Variants in ZNF33B observed in about 807,000 individuals in gnomAD.
ZNF33B encodes zinc finger protein 11b (KOX 2).
A neutral mutation model predicts 45.8 loss-of-function variants in ZNF33B; 29 were observed. The observed-to-expected ratio is 0.63, with a 90% CI of 0.47 to 0.86. The LOEUF is 0.86. Ranked by LOEUF, ZNF33B falls within the 40% of genes least tolerant of loss-of-function variation. The pLI is 0.00. For synonymous variants in ZNF33B, 305 were observed against 307.8 expected, an observed-to-expected ratio of 0.99 and a Z score of 0.10; for missense variants, 831 against 909.9, an observed-to-expected ratio of 0.91 and a Z score of 1.12.
At chr10:42,607,850 C>T (rs1051838138) in intron 4 of ZNF33B, among the ~76,000 whole-genome samples, 2 of 152,070 alleles carry the variant, frequency 1.3e-5, no homozygotes, top group Non-Finnish European at 2.9e-5. Flanking sequence ...CATTGTAAGT[C>T]AGGAACCATC....
At chr10:42,627,950 GTCTA>G (rs1838884588) in intron 4 of ZNF33B, among the ~76,000 whole-genome samples, 1 of 152,070 alleles carries the variant, frequency 6.6e-6, no homozygotes, top group African/African-American at 2.4e-5. Flanking sequence ...CCAGGATATG[GTCTA>G]TCTTTCTGAA....
chr10:42,614,849 G>C (rs1838246896), intron 4 of ZNF33B, among the ~76,000 whole-genome samples: 1 of 152,012 alleles, frequency 6.6e-6, no homozygotes, highest in African/African-American at 2.4e-5. Flanking sequence ...AGCTACTCAG[G>C]AGGCTGAGGC....
Position 42,593,960 on chromosome 10 carries a change from T to C in ZNF33B, c.990A>G (p.Glu330=). Reference sequence around the variant, plus strand: ...AGAAAGCTTTCCCACATTCATTACATTCAAAGTGTTTCTCTCCTTTATCAC... The same window carrying C: ...AGAAAGCTTTCCCACATTCATTACACTCAAAGTGTTTCTCTCCTTTATCAC... ...QKGDKGEKHF[E]CNECGKAFWE... is the part of the protein sequence containing the mutation. The change falls in exon 5 of 5, where the codon GAA becomes GAG. Residue 330 remains glutamate, a synonymous_variant. Transcript: ENST00000359467. The C allele has an allele frequency of 1.9e-6, 3 of 1,614,104 alleles. No homozygotes were observed. Among genetic ancestry groups the C allele is most frequent in the Non-Finnish European group, 1.7e-6 (2 of 1,179,976 alleles).
At chr10:42,630,291 A>C (rs1838992333) in intron 4 of ZNF33B, among the ~76,000 whole-genome samples, 1 of 152,170 alleles carries the variant, frequency 6.6e-6, no homozygotes, top group Admixed American at 6.5e-5. Context: ...TACTTGAGAA[A>C]ATATACTACT....
rs80051734 is a variant in ZNF33B at position 42,637,530 on chromosome 10, G to A, written c.-44-558C>T. On this transcript the variant is annotated intron_variant, in intron 1 of 4. Transcript: ENST00000359467. The stretch of plus-strand genomic sequence containing the variant: ...AAAGTAGTACTGGCTTAGGGGTCAG[G>A]AGAAGTGACTTTTAGTTCTCCCTAC... Among the ~76,000 whole-genome samples, 275 of 152,298 alleles carry A rather than the reference G, an allele frequency of 1.8e-3. 1 individual carries two copies. The East Asian group carries it at 0.038, about 21-fold the overall frequency.
intron 1 of ZNF33B, chr10:42,579,679 A>G (rs529503410): frequency 6.5e-6 from 1 of 153,156 alleles, no homozygotes; most frequent in East Asian, 1.9e-4. Flanking sequence ...AATCCTTCCC[A>G]TGGCTTTGAC....
intron 1 of ZNF33B, among the ~76,000 whole-genome samples, chr10:42,637,842 G>A (rs1214960060): frequency 6.6e-6 from 1 of 152,098 alleles, no homozygotes; most frequent in African/African-American, 2.4e-5. Flanking sequence ...TAGTAGAGAC[G>A]GGGATTTGCC....
chr10:42,617,702 C>G (rs545793007), intron 4 of ZNF33B, among the ~76,000 whole-genome samples: 1 of 152,248 alleles, frequency 6.6e-6, no homozygotes, highest in Non-Finnish European at 1.5e-5. Flanking sequence ...ACAGCCATCT[C>G]CCACCCTCTC....
rs1564491890 is a variant in ZNF33B, at chr10:42,590,180, T to C, written c.*2433A>G. The C allele has an allele frequency of 6.7e-6, 1 of 148,280 alleles. No homozygotes were observed. Among genetic ancestry groups the C allele is most frequent in the South Asian group, 2.1e-4 (1 of 4,812 alleles). 9.2% of individuals were successfully genotyped at this position (148,280 alleles called of 1,614,324 possible). A position where few individuals can be genotyped will look rare whatever the true frequency, so the allele number is the denominator to read the frequency against. ...CATCTGTGTTCACTGGAAATATTGA[T>C]CTGTAGTTTTCCTTTCTTGTAATGT... On this transcript the variant is annotated 3_prime_UTR_variant, in exon 5 of 5. Coordinates refer to ENST00000359467, the MANE Select transcript of ZNF33B (RefSeq NM_006955.3).
At chr10:42,619,310 A>C (rs1240103408) in intron 4 of ZNF33B, among the ~76,000 whole-genome samples, 1 of 152,184 alleles carries the variant, frequency 6.6e-6, no homozygotes, top group Non-Finnish European at 1.5e-5. Flanking sequence ...TCTCCGCAGA[A>C]ATCAATTGAA....
At chr10:42,608,754 CAAG>C (rs1408695410) in intron 4 of ZNF33B, among the ~76,000 whole-genome samples, 1 of 151,270 alleles carries the variant, frequency 6.6e-6, no homozygotes, top group Non-Finnish European at 1.5e-5. Flanking sequence ...AAACTCAAAG[CAAG>C]AAGAAGGCAG....
intron 4 of ZNF33B, among the ~76,000 whole-genome samples, chr10:42,617,315 G>A (rs765350435): frequency 6.6e-6 from 1 of 151,242 alleles, no homozygotes; most frequent in Non-Finnish European, 1.5e-5. Context: ...TGTTGCCCAG[G>A]TTGGTCTCAA....
Position 42,593,168 on chromosome 10 carries a change from T to A in ZNF33B, c.1782A>T (p.Ser594=). The A allele has an allele frequency of 1.2e-6, 2 of 1,613,812 alleles. No individual in the cohort carries two copies. The highest frequency in any genetic ancestry group is 1.7e-6 in the Non-Finnish European group (2 of 1,179,934). The part of the protein sequence containing the change: ...HECGKIFYNK[S]YLTKHNRTHT... ...GTGTTCTATTATGTTTTGTTAGGTA[T>A]GATTTATTGTAAAAGATTTTTCCAC... Residue 594 remains serine (S), a synonymous_variant, in exon 5 of 5, where the codon TCA becomes TCT. Transcript: ENST00000359467.
chr10:42,606,142 CAA>C (rs201620137), intron 4 of ZNF33B, among the ~76,000 whole-genome samples: 22 of 127,748 alleles, frequency 1.7e-4, no homozygotes, highest in Admixed American at 2.4e-4. Context: ...AATAATAAAG[CAA>C]AAAAAAAAAA....
chr10:42,620,043 C>T (rs1035998255), intron 4 of ZNF33B, among the ~76,000 whole-genome samples: 8 of 151,830 alleles, frequency 5.3e-5, no homozygotes, highest in African/African-American at 9.7e-5. Flanking sequence ...TGGCAAAACA[C>T]CATCTCTACT....
intron 1 of ZNF33B, among the ~76,000 whole-genome samples, chr10:42,577,414 C>T (rs1025324536): frequency 2.0e-5 from 3 of 152,208 alleles, no homozygotes; most frequent in African/African-American, 7.2e-5. Flanking sequence ...CCGTCTCCTT[C>T]TCCCCTGTGA....
At position 42,593,622 on chromosome 10, in the gene ZNF33B, C is replaced by T; in HGVS notation, c.1328G>A (p.Cys443Tyr). 6.2e-7 allele frequency: 1 copy of T among 1,614,038 alleles called. No individual in the cohort carries two copies. The highest frequency in any genetic ancestry group is 8.5e-7 in the Non-Finnish European group (1 of 1,179,950). ...ACAGAAGGATTTTCCACATTCATAA[C>T]ATTCATAGGGTTTCTGCCCTGTGTG... ...RTHTGQKPYE[C>Y]YECGKSFCMN... Residue 443 changes from cysteine (C) to tyrosine (Y), a missense_variant, in exon 5 of 5, where the codon TGT becomes TAT. Physicochemically the swap from Cys to Tyr is radical, Grantham distance 194. Transcript: ENST00000359467.
chr10:42,596,455 A>G (rs1015469159), intron 4 of ZNF33B, among the ~76,000 whole-genome samples: 4 of 152,166 alleles, frequency 2.6e-5, no homozygotes, highest in African/African-American at 9.6e-5. Context: ...GTATTTCCAC[A>G]TAAGGTTTAG....
At chr10:42,638,349 C>CGTCCCCGGCTTCTCCGTGAG in intron 1 of ZNF33B, 125 bp downstream of exon 1, 1 of 314,614 alleles carries the variant, frequency 3.2e-6, no homozygotes, top group Non-Finnish European at 6.2e-6. Flanking sequence ...GCAGCCCCGC[C>CGTCCCCGGCTTCTCCGTGAG]GTCCCCGGCT....
Sources: gnomAD v4.1 joint callset for allele counts (sites outside exome capture counted in the v4.1 genomes callset) on GRCh38, gnomAD v4.1.1 for gene constraint, MANE v1.5 for transcripts, NCBI Gene and HGNC (gene_info 2026-07-23, HGNC 2026-07-21) for gene names.